The following PPP6R2 variants were observed in gnomAD, a reference collection of about 807,000 sequenced individuals.
The protein encoded by PPP6R2 is protein phosphatase 6 regulatory subunit 2, also known as serine/threonine-protein phosphatase 6 regulatory subunit 2.
A neutral mutation model predicts 100.2 loss-of-function variants in PPP6R2; 62 were observed. The ratio of observed to expected loss-of-function variants is 0.62; its 90% CI spans 0.50 to 0.76. PPP6R2 has a LOEUF of 0.76. Ranked by LOEUF, PPP6R2 falls within the 30% of genes least tolerant of loss-of-function variation. PPP6R2 has a pLI of 0.00. For synonymous variants in PPP6R2, 525 were observed against 514.7 expected, an observed-to-expected ratio of 1.02 and a Z score of -0.27; for missense variants, 1,142 against 1,276.3, an observed-to-expected ratio of 0.89 and a Z score of 1.60.
chr22:50,440,588 GACCA>G (rs1271567753), intron 21 of PPP6R2, among the ~76,000 whole-genome samples: 12 of 152,230 alleles, frequency 7.9e-5, no homozygotes, highest in African/African-American at 1.7e-4. Context: ...CCTCCTGTGA[GACCA>G]GGGCATGTGT....
the PPP6R2 span, among the ~76,000 whole-genome samples, chr22:50,332,313 C>T: frequency 9.6e-4 from 146 of 151,690 alleles, no homozygotes; most frequent in East Asian, 3.5e-3. Flanking sequence ...CTGCAAGCTC[C>T]GCCTCCCAGG....
intron 4 of PPP6R2, among the ~76,000 whole-genome samples, chr22:50,414,225 C>T (rs930552321): frequency 7.9e-5 from 12 of 151,418 alleles, no homozygotes; most frequent in Admixed American, 1.3e-4. Flanking sequence ...TTGGAAAAAC[C>T]CGAACCAGTA....
chr22:50,388,644 C>G (rs1006302951), intron 2 of PPP6R2, among the ~76,000 whole-genome samples: 1 of 151,842 alleles, frequency 6.6e-6, no homozygotes, highest in Non-Finnish European at 1.5e-5. Flanking sequence ...GAGGCCGAGG[C>G]GGGCAGATCA....
chr22:50,438,497 G>C lies in PPP6R2; in HGVS notation c.1965-102G>C, dbSNP rs1032199886. 3 of 1,469,076 alleles carry C rather than the reference G, an allele frequency of 2.0e-6. No individual in the cohort carries two copies. In the African/African-American group the frequency reaches 4.2e-5, roughly 21 times the overall value. 91.0% of individuals were successfully genotyped at this position (1,469,076 alleles called of 1,614,324 possible). The stretch of plus-strand genomic sequence containing the variant: ...GCGTCTCGTGCTCCTCTCTCGAGAC[G>C]ATCTGTGCTCACCCTCAGCCCCGAG... On this transcript the variant is annotated intron_variant, in intron 18 of 23. Transcript: ENST00000612753.
At chr22:50,362,864 C>A (rs1463302239) in intron 1 of PPP6R2, among the ~76,000 whole-genome samples, 1 of 152,160 alleles carries the variant, frequency 6.6e-6, no homozygotes, top group Non-Finnish European at 1.5e-5. Context: ...TTCTAGGCCC[C>A]AGAACTGTGA....
chr22:50,437,989 C>A, intron 17 of PPP6R2, 89 bp downstream of exon 17: 1 of 1,536,314 alleles, frequency 6.5e-7, no homozygotes, highest in Non-Finnish European at 8.9e-7. Context: ...TGGGCCTGTG[C>A]GGTGGGGCTG....
chr22:50,405,677 G>A (rs1409640907), intron 3 of PPP6R2, among the ~76,000 whole-genome samples: 1 of 62,452 alleles, frequency 1.6e-5, no homozygotes, highest in Non-Finnish European at 3.3e-5. Context: ...GGAGAGAAGT[G>A]AGAGGCCTGG....
the PPP6R2 span, among the ~76,000 whole-genome samples, chr22:50,337,405 CGATGTGTGGTG>C: frequency 1.4e-5 from 1 of 72,190 alleles, no homozygotes; most frequent in African/African-American, 5.7e-5. Flanking sequence ...TGTGTGTGTG[CGATGTGTGGTG>C]TGTGTGGGGT....
intron 1 of PPP6R2, among the ~76,000 whole-genome samples, chr22:50,354,954 A>T (rs536462327): frequency 6.8e-6 from 1 of 146,636 alleles, no homozygotes; most frequent in East Asian, 2.0e-4. Context: ...CACAGCCTTG[A>T]CCTGCCAGGC....
the PPP6R2 span, among the ~76,000 whole-genome samples, chr22:50,337,193 GTGC>G: frequency 1.6e-5 from 2 of 128,440 alleles, no homozygotes; most frequent in Non-Finnish European, 3.2e-5. Context: ...GTGTGCGTGT[GTGC>G]TGTGTGGGTA....
chr22:50,360,556 G>A (rs996989262), intron 1 of PPP6R2, among the ~76,000 whole-genome samples: 8 of 152,184 alleles, frequency 5.3e-5, no homozygotes, highest in African/African-American at 1.9e-4. Context: ...TAGAGATGGG[G>A]TCTCTCTGTG....
rs1416188499 is a variant in PPP6R2 at position 50,419,340 on chromosome 22, G to A, written c.732-9G>A. On this transcript the variant is annotated splice_polypyrimidine_tract_variant and intron_variant, in intron 7 of 23. Coordinates refer to ENST00000612753, the MANE Select transcript of PPP6R2 (RefSeq NM_001242898.2). Reference sequence around the variant, plus strand: ...CTGCCAGGCAGTGACCTCTGTGTGTGTCCAGCAGGCAGGACTGTGTGGAGC... The same window carrying A: ...CTGCCAGGCAGTGACCTCTGTGTGTATCCAGCAGGCAGGACTGTGTGGAGC... The A allele has an allele frequency of 6.2e-7, 1 of 1,612,210 alleles. No homozygotes were observed. Among genetic ancestry groups the A allele is most frequent in the East Asian group, 2.2e-5 (1 of 44,868 alleles).
chr22:50,422,225 C>T (rs1456690004), intron 8 of PPP6R2, 29 bp from the exon 9 acceptor site: 6 of 1,606,650 alleles, frequency 3.7e-6, no homozygotes, highest in Non-Finnish European at 5.1e-6. Context: ...CTGGTGTCCC[C>T]GGTCTCCATC....
chr22:50,430,695 A>C (rs2062963714), intron 10 of PPP6R2, among the ~76,000 whole-genome samples: 1 of 152,058 alleles, frequency 6.6e-6, no homozygotes, highest in African/African-American at 2.4e-5. Context: ...CCAACATGGC[A>C]AAATCCCGTC....
intron 1 of PPP6R2, among the ~76,000 whole-genome samples, chr22:50,350,061 T>C (rs1049387610): frequency 6.6e-6 from 1 of 152,008 alleles, no homozygotes; most frequent in South Asian, 2.1e-4. Context: ...GAGGTTGCAC[T>C]GAGCCAAGAT....
chr22:50,432,532 G>C (rs1180954554), intron 12 of PPP6R2, among the ~76,000 whole-genome samples: 1 of 152,138 alleles, frequency 6.6e-6, no homozygotes, highest in Admixed American at 6.5e-5. Context: ...CTTGGGGAGG[G>C]GACACAGGGA....
At chr22:50,392,680 G>A (rs998808181) in intron 2 of PPP6R2, among the ~76,000 whole-genome samples, 5 of 152,238 alleles carry the variant, frequency 3.3e-5, no homozygotes, top group Non-Finnish European at 7.3e-5. Flanking sequence ...AGGACCTGGT[G>A]GCATGCTGTA....
At chr22:50,332,639 T>C in the PPP6R2 span, among the ~76,000 whole-genome samples, 1 of 151,550 alleles carries the variant, frequency 6.6e-6, no homozygotes, top group African/African-American at 2.4e-5. Flanking sequence ...TTTTTTTTTT[T>C]TTTGAGATGG....
At position 50,393,957 on chromosome 22, in the gene PPP6R2, C is replaced by G. The variant is rs1212012223; in HGVS notation, c.49C>G (p.Leu17Val). The change falls in exon 3 of 24, where the codon CTG becomes GTG. Residue 17 changes from leucine (L) to valine (V), a missense_variant. By Grantham distance (32) the Leu-to-Val change is conservative. Transcript: ENST00000612753. The stretch of plus-strand genomic sequence containing the variant: ...CACCACGTCCCATGTTGACAAGCTG[C>G]TGGACAAGGAGCATGTGACGCTGCA... ...LNTTSHVDKL[L>V]DKEHVTLQEL... The G allele has an allele frequency of 6.2e-7, 1 of 1,614,092 alleles. No homozygotes were observed. The highest frequency in any genetic ancestry group is 8.5e-7 in the Non-Finnish European group (1 of 1,180,046).
Sources: allele counts gnomAD v4.1 joint callset (sites outside exome capture counted in the v4.1 genomes callset), GRCh38; gene constraint gnomAD v4.1.1; transcripts MANE v1.5; gene names NCBI Gene and HGNC (gene_info 2026-07-23, HGNC 2026-07-21).